Variants in RAB35 observed in about 807,000 individuals in gnomAD.
RAB35 encodes the protein ras-related protein Rab-35.
In RAB35, 4 loss-of-function variants were observed where a neutral mutation model predicts 28.9. The ratio of observed to expected loss-of-function variants is 0.14; its 90% CI spans 0.07 to 0.32. The LOEUF is 0.32. Ranked by LOEUF, RAB35 falls within the 10% of genes least tolerant of loss-of-function variation. The pLI is 1.00. For synonymous variants in RAB35, 99 were observed against 105.1 expected (o/e 0.94, Z 0.35); for missense variants, 128 against 274.0 (o/e 0.47, Z 3.76).
In RAB35 at chr12:120,096,038, C is replaced by T; in HGVS notation, c.*1207G>A. The T allele has an allele frequency of 5.3e-6, 1 of 188,766 alleles. No individual in the cohort carries two copies. Among genetic ancestry groups the T allele is most frequent in the Non-Finnish European group, 1.1e-5 (1 of 90,146 alleles). 11.7% of individuals were successfully genotyped at this position (188,766 alleles called of 1,614,324 possible). A position where few individuals can be genotyped will look rare whatever the true frequency, so the allele number is the denominator to read the frequency against. ...GCGTGTCAAAACTGGCCGCCCCAGC[C>T]ATTCCTTCCCACCCGCCAGGAAATC... On this transcript the variant is annotated 3_prime_UTR_variant, in exon 6 of 6. Coordinates refer to ENST00000229340, the MANE Select transcript of RAB35 (RefSeq NM_006861.7).
intron 1 of RAB35, among the ~76,000 whole-genome samples, chr12:120,111,420 A>G (rs1465004813): frequency 1.3e-5 from 2 of 152,016 alleles, no homozygotes; most frequent in Non-Finnish European, 1.5e-5. Flanking sequence ...AGTGGCTCAC[A>G]CCCGTAATCC....
At chr12:120,108,538 G>A (rs1277191692) in intron 1 of RAB35, 71 bp from the exon 2 acceptor site, 21 of 1,424,338 alleles carry the variant, frequency 1.5e-5, no homozygotes, top group Middle Eastern at 1.7e-4. Flanking sequence ...CCCTTCTTCC[G>A]GGAGAGGATG....
chr12:120,098,268 AC>A (rs1376569633), intron 5 of RAB35, among the ~76,000 whole-genome samples: 1 of 152,210 alleles, frequency 6.6e-6, no homozygotes, highest in Non-Finnish European at 1.5e-5. Flanking sequence ...GCTCCACGCC[AC>A]TTCATGGCAT....
At position 120,103,459 on chromosome 12, in the gene RAB35, G is replaced by A. The variant is rs563536657; in HGVS notation, c.227+367C>T. 2.6e-5 allele frequency among the ~76,000 whole-genome samples: 4 copies of A among 152,352 alleles called. No individual in the cohort carries two copies. Among genetic ancestry groups the A allele is most frequent in the East Asian group, 1.9e-4 (1 of 5,180 alleles). On this transcript the variant is annotated intron_variant, in intron 3 of 5. Coordinates refer to ENST00000229340, the MANE Select transcript of RAB35 (RefSeq NM_006861.7). This position sits in a 1 kb window ranked among gnomAD's most constrained non-coding sequence, Gnocchi z 6.1. ...ACACCTACCAAGAGGAATTGTCAGC[G>A]ACTAAGTCCTGGGTGGGCAAGGCAC...
intron 5 of RAB35, among the ~76,000 whole-genome samples, chr12:120,098,164 G>A (rs935388760): frequency 6.6e-6 from 1 of 152,220 alleles, no homozygotes; most frequent in African/African-American, 2.4e-5. Context: ...GATTACAGGC[G>A]TGAGCCGGCG....
At chr12:120,099,386 G>A (rs563212525) in intron 3 of RAB35, 14 of 591,608 alleles carry the variant, frequency 2.4e-5, no homozygotes, top group Non-Finnish European at 3.9e-5. Context: ...GGGCGGGAGG[G>A]CCAGCCCCTG....
intron 3 of RAB35, among the ~76,000 whole-genome samples, chr12:120,102,420 A>C (rs1275247907): frequency 2.6e-5 from 4 of 152,096 alleles, no homozygotes; most frequent in Non-Finnish European, 5.9e-5. Context: ...GGCAGCTGCC[A>C]AGACATGCAG....
chr12:120,104,248 T>C (rs1318534281), intron 2 of RAB35, among the ~76,000 whole-genome samples: 2 of 152,064 alleles, frequency 1.3e-5, no homozygotes, highest in Non-Finnish European at 1.5e-5. Context: ...ACAGGCTCCT[T>C]TAGAGTGGCT....
intron 2 of RAB35, among the ~76,000 whole-genome samples, chr12:120,105,476 G>A (rs777406234): frequency 2.0e-5 from 3 of 152,134 alleles, no homozygotes; most frequent in Non-Finnish European, 4.4e-5. Flanking sequence ...GTTCTCAGCC[G>A]GGATGACTGT....
chr12:120,097,131 G>T lies in RAB35; in HGVS notation c.*114C>A. 6.2e-7 allele frequency: 1 copy of T among 1,606,746 alleles called. No individual in the cohort carries two copies. Among genetic ancestry groups the T allele is most frequent in the Non-Finnish European group, 8.5e-7 (1 of 1,178,410 alleles). On this transcript the variant is annotated 3_prime_UTR_variant, in exon 6 of 6. Transcript: ENST00000229340. ...ATGGCACCTCCCGATACAAAAACAT[G>T]GAGAGAATTCTTTAAATAACGGCAC...
Position 120,095,653 on chromosome 12 carries a change from G to A in RAB35, c.*1592C>T, listed in dbSNP as rs1448469003. On this transcript the variant is annotated 3_prime_UTR_variant, in exon 6 of 6. Transcript: ENST00000229340. Reference sequence around the variant, plus strand: ...ACAGCACCCTCCTTCCCAGGCCCATGGGGCTCCCCCACCCCATCCCGTGGC... The same window carrying A: ...ACAGCACCCTCCTTCCCAGGCCCATAGGGCTCCCCCACCCCATCCCGTGGC... 6.6e-6 allele frequency: 1 copy of A among 150,858 alleles called. No homozygotes were observed. Among genetic ancestry groups the A allele is most frequent in the Non-Finnish European group, 1.5e-5 (1 of 67,826 alleles). The allele number at this position is 150,858 out of a possible 1,614,324, so 9.3% of individuals were successfully genotyped here. A position where few individuals can be genotyped will look rare whatever the true frequency, so the allele number is the denominator to read the frequency against.
intron 1 of RAB35, 107 bp downstream of exon 1, chr12:120,116,492 C>G: frequency 1.4e-6 from 1 of 732,268 alleles, no homozygotes. Context: ...CTGCCCCGCC[C>G]GCCCGCCCCG....
intron 1 of RAB35, among the ~76,000 whole-genome samples, chr12:120,111,407 C>T (rs771146066): frequency 5.9e-5 from 9 of 152,086 alleles, no homozygotes; most frequent in Non-Finnish European, 1.0e-4. Context: ...GCTGGCCAGG[C>T]GCAGTGGCTC....
At chr12:120,108,527 G>C in intron 1 of RAB35, 60 bp from the exon 2 acceptor site, 1 of 1,511,968 alleles carries the variant, frequency 6.6e-7, no homozygotes, top group East Asian at 2.3e-5. Flanking sequence ...CGCAGCCCCA[G>C]CCCTTCTTCC....
chr12:120,103,104 G>A lies in RAB35; in HGVS notation c.227+722C>T, dbSNP rs1463277485. Among the ~76,000 whole-genome samples, 1 of 152,164 alleles carries A rather than the reference G, an allele frequency of 6.6e-6. No homozygotes were observed. Among genetic ancestry groups the A allele is most frequent in the Non-Finnish European group, 1.5e-5 (1 of 68,034 alleles). On this transcript the variant is annotated intron_variant, in intron 3 of 5. Coordinates refer to ENST00000229340, the MANE Select transcript of RAB35 (RefSeq NM_006861.7). This position sits in a 1 kb window ranked among gnomAD's most constrained non-coding sequence, Gnocchi z 6.1. The stretch of plus-strand genomic sequence containing the variant: ...CCAGGAAACGAGCGCAGAGAGCTTC[G>A]GCAACTTGCCTAAGGACACACAGCC...
chr12:120,098,516 T>C (rs1875527466), intron 5 of RAB35, among the ~76,000 whole-genome samples: 1 of 152,260 alleles, frequency 6.6e-6, no homozygotes, highest in South Asian at 2.1e-4. Flanking sequence ...TGCTTGGCTT[T>C]GGTGTGGGAC....
chr12:120,099,549 T>G (rs1875576816), intron 3 of RAB35: 1 of 225,708 alleles, frequency 4.4e-6, no homozygotes, highest in African/African-American at 2.3e-5. Flanking sequence ...CAAAAAAATA[T>G]TTGCTCCTCA....
intron 3 of RAB35, chr12:120,099,469 T>G (rs16949946): frequency 0.14 from 55,081 of 406,436 alleles, 5,367 homozygotes; most frequent in East Asian, 0.42. Flanking sequence ...ATCTTTGAAG[T>G]TCTTGCTTTA....
intron 1 of RAB35, 91 bp downstream of exon 1, chr12:120,116,508 G>C: frequency 1.2e-6 from 1 of 856,598 alleles, no homozygotes; most frequent in Non-Finnish European, 1.4e-6. Flanking sequence ...CCCCGCACGG[G>C]CCGGCACCTC....
Sources: allele counts gnomAD v4.1 joint callset (sites outside exome capture counted in the v4.1 genomes callset), GRCh38; gene constraint gnomAD v4.1.1; non-coding constraint Gnocchi (gnomAD v3.1); transcripts MANE v1.5; gene names NCBI Gene and HGNC (gene_info 2026-07-23, HGNC 2026-07-21).